Variants in MACROH2A1 observed in about 807,000 individuals in gnomAD.
MACROH2A1 encodes the protein macroH2A.1 histone.
MACROH2A1 carries 2 observed loss-of-function variants against 31.6 expected under a neutral mutation model. The ratio of observed to expected loss-of-function variants is 0.06; its 90% CI spans 0.03 to 0.20. MACROH2A1 has a LOEUF of 0.20. Among genes scored for constraint, MACROH2A1 ranks in the 10% least tolerant of loss-of-function variants. The pLI is 1.00. For synonymous variants in MACROH2A1, 169 were observed against 189.6 expected, an observed-to-expected ratio of 0.89 and a Z score of 0.89; for missense variants, 230 against 474.0, an observed-to-expected ratio of 0.49 and a Z score of 4.78.
intron 1 of MACROH2A1, among the ~76,000 whole-genome samples, chr5:135,397,595 T>C (rs747418938): frequency 2.0e-5 from 3 of 152,230 alleles, no homozygotes; most frequent in Non-Finnish European, 4.4e-5. Flanking sequence ...ATTTGAAGTC[T>C]TTCAAGAGTT....
chr5:135,339,065 G>C (rs1339242414), intron 8 of MACROH2A1, among the ~76,000 whole-genome samples: 1 of 152,184 alleles, frequency 6.6e-6, no homozygotes, highest in Non-Finnish European at 1.5e-5. Flanking sequence ...CTGGCCTGTG[G>C]GTTGTGTTTA....
chr5:135,338,493 G>A (rs1759190635), intron 8 of MACROH2A1, among the ~76,000 whole-genome samples: 1 of 152,334 alleles, frequency 6.6e-6, no homozygotes, highest in South Asian at 2.1e-4. Flanking sequence ...TCGTCCCTGG[G>A]ATAGCTGTGA....
chr5:135,367,756 C>A (rs1239880657), intron 4 of MACROH2A1, among the ~76,000 whole-genome samples: 1 of 152,236 alleles, frequency 6.6e-6, no homozygotes, highest in Admixed American at 6.5e-5. Context: ...AAGGGCCCTG[C>A]TCTGTGGGCA....
At chr5:135,391,711 C>G (rs1376967531) in intron 1 of MACROH2A1, among the ~76,000 whole-genome samples, 1 of 152,222 alleles carries the variant, frequency 6.6e-6, no homozygotes. Context: ...ATGCACCAAA[C>G]TAGCCAAACA....
At chr5:135,362,477 AC>A (rs1762961871) in intron 4 of MACROH2A1, 1 of 152,206 alleles carries the variant, frequency 6.6e-6, no homozygotes, top group Non-Finnish European at 1.5e-5. Context: ...CTATAACAAA[AC>A]CCTTTCCATT....
At chr5:135,385,589 C>T (rs1288787995) in intron 2 of MACROH2A1, among the ~76,000 whole-genome samples, 1 of 152,166 alleles carries the variant, frequency 6.6e-6, no homozygotes, top group Non-Finnish European at 1.5e-5. Flanking sequence ...CAGTTTCTCC[C>T]TCTCTCTGTA....
intron 4 of MACROH2A1, among the ~76,000 whole-genome samples, chr5:135,365,197 T>C (rs940738007): frequency 2.6e-5 from 4 of 152,346 alleles, no homozygotes; most frequent in Admixed American, 6.5e-5. Flanking sequence ...ATCTTTATCT[T>C]GAGTAAGGGT....
At chr5:135,372,841 G>A (rs1366114872) in intron 2 of MACROH2A1, among the ~76,000 whole-genome samples, 8 of 152,234 alleles carry the variant, frequency 5.3e-5, no homozygotes, top group Admixed American at 5.2e-4. Flanking sequence ...CCACTGAGCT[G>A]TAGCCCACTT....
At chr5:135,358,210 T>C in intron 5 of MACROH2A1, 5 of 985,450 alleles carry the variant, frequency 5.1e-6, no homozygotes, top group Non-Finnish European at 2.4e-6. Context: ...CAGAAAGTAA[T>C]GCTTCAAAAT....
In MACROH2A1 at chr5:135,370,158, A is replaced by G. The variant is rs1441219468; in HGVS notation, c.173-16T>C. Reference sequence around the variant, plus strand: ...AGAATCTCCGCTGTGGGGAGCAGAGATGAGTGTATGGTCATGTTAGAGGAC... The same window carrying G: ...AGAATCTCCGCTGTGGGGAGCAGAGGTGAGTGTATGGTCATGTTAGAGGAC... On this transcript the variant is annotated splice_polypyrimidine_tract_variant and intron_variant, in intron 2 of 8. Transcript: ENST00000511689. 6.5e-7 allele frequency: 1 copy of G among 1,539,178 alleles called. No homozygotes were observed. Among genetic ancestry groups the G allele is most frequent in the African/African-American group, 1.4e-5 (1 of 73,344 alleles).
intron 8 of MACROH2A1, among the ~76,000 whole-genome samples, chr5:135,338,361 A>C (rs1759162129): frequency 1.3e-5 from 2 of 152,268 alleles, no homozygotes; most frequent in African/African-American, 4.8e-5. Flanking sequence ...CTGGGACAAG[A>C]AAATGCAAAG....
chr5:135,364,505 A>G (rs1217597881), intron 4 of MACROH2A1, among the ~76,000 whole-genome samples: 1 of 152,198 alleles, frequency 6.6e-6, no homozygotes, highest in Non-Finnish European at 1.5e-5. Context: ...GGGGGAAATA[A>G]AAGTTAGCAA....
In MACROH2A1 at chr5:135,369,515, T is replaced by C; in HGVS notation, c.368A>G (p.Lys123Arg). 6.2e-7 allele frequency: 1 copy of C among 1,614,110 alleles called. No individual in the cohort carries two copies. Among genetic ancestry groups the C allele is most frequent in the East Asian group, 2.2e-5 (1 of 44,884 alleles). Residue 123 changes from lysine to arginine, a missense_variant, in exon 4 of 9, where the codon AAG (lysine) becomes AGG (arginine). By Grantham distance (26) the Lys-to-Arg change is conservative. Around this residue, in one of 2 missense-constraint regions of MACROH2A1, gnomAD observed 183 missense variants for 319.3 expected, o/e 0.57. Coordinates refer to ENST00000511689, the MANE Select transcript of MACROH2A1 (RefSeq NM_138610.3). This position sits in a 1 kb window ranked among gnomAD's most constrained non-coding sequence, Gnocchi z 4.3. ...GGGTGGTGTGATGATGGCTTCCAAC[T>C]TTCCTTTGGATCCCCGCTTCTTCGC... ...LLAKKRGSKG[K>R]LEAIITPPPA...
intron 8 of MACROH2A1, among the ~76,000 whole-genome samples, chr5:135,342,952 G>C (rs1760154882): frequency 6.6e-6 from 1 of 152,176 alleles, no homozygotes; most frequent in African/African-American, 2.4e-5. Flanking sequence ...CTCCACCCAA[G>C]TCACTGTGCC....
At chr5:135,340,835 A>G (rs1035132192) in intron 8 of MACROH2A1, among the ~76,000 whole-genome samples, 2 of 152,160 alleles carry the variant, frequency 1.3e-5, no homozygotes, top group Admixed American at 1.3e-4. Flanking sequence ...CTCATGAAAG[A>G]GAGGGCAGCT....
At chr5:135,351,568 TTTTTTTTTTTTTTA>T (rs1761568081) in intron 6 of MACROH2A1, 1 of 103,426 alleles carries the variant, frequency 9.7e-6, no homozygotes, top group Non-Finnish European at 2.0e-5. Flanking sequence ...TTTTTTTTTT[TTTTTTTTTTTTTTA>T]CAGATAGGAT....
chr5:135,356,146 T>C (rs1419666629), intron 5 of MACROH2A1: 1 of 152,218 alleles, frequency 6.6e-6, no homozygotes, highest in Non-Finnish European at 1.5e-5. Flanking sequence ...CTATGAAGAC[T>C]GTTAGCCACT....
intron 4 of MACROH2A1, among the ~76,000 whole-genome samples, chr5:135,364,415 T>TA (rs1386950463): frequency 6.7e-6 from 1 of 150,034 alleles, no homozygotes. Flanking sequence ...CCCTAGAACT[T>TA]AAAGTATAAT....
chr5:135,343,478 C>T, intron 7 of MACROH2A1, 44 bp from the exon 8 acceptor site: 1 of 1,606,350 alleles, frequency 6.2e-7, no homozygotes, highest in South Asian at 1.1e-5. Flanking sequence ...CTCTGGTTCA[C>T]TGCAAAGCAC....
Sources: gnomAD v4.1 joint callset for allele counts (sites outside exome capture counted in the v4.1 genomes callset) on GRCh38, gnomAD v4.1.1 for gene constraint, gnomAD v4.1.1 regional missense constraint, Gnocchi (gnomAD v3.1) non-coding constraint, MANE v1.5 for transcripts, NCBI Gene and HGNC (gene_info 2026-07-23, HGNC 2026-07-21) for gene names.